SNAPC1: variants seen among roughly 807,000 people sequenced by gnomAD.
SNAPC1 encodes snRNA-activating protein complex subunit 1.
In SNAPC1, 42 loss-of-function variants were observed where a neutral mutation model predicts 50.1. The ratio of observed to expected loss-of-function variants is 0.84; its 90% CI spans 0.65 to 1.08. The LOEUF is 1.08. SNAPC1 is among the 50% of genes least tolerant of loss of function. The pLI is 0.00. For missense variants in SNAPC1, 477 were observed against 427.3 expected (o/e 1.12, Z -1.02); for synonymous variants, 164 against 144.2 (o/e 1.14, Z -0.98).
rs1239109527 is a variant in SNAPC1 at position 61,790,910 on chromosome 14, C to A, written c.977-1897C>A. On this transcript the variant is annotated intron_variant, in intron 8 of 9. Transcript: ENST00000216294. ...GTGGTCTATTACTGATCATTGCACC[C>A]CACACATTTAGCTTTGAGCATAGTA... 2.6e-5 allele frequency among the ~76,000 whole-genome samples: 4 copies of A among 152,154 alleles called. No homozygotes were observed. In the East Asian group the frequency reaches 7.7e-4, roughly 29 times the overall value.
chr14:61,783,201 AT>A (rs531848054), intron 8 of SNAPC1, among the ~76,000 whole-genome samples: 2 of 146,468 alleles, frequency 1.4e-5, no homozygotes, highest in Admixed American at 6.8e-5. Context: ...TTTTTTTTGT[AT>A]TTTTTTTTAG....
chr14:61,775,975 T>C (rs1040690157), intron 4 of SNAPC1, 120 bp from the exon 5 acceptor site: 3 of 649,164 alleles, frequency 4.6e-6, no homozygotes, highest in Non-Finnish European at 5.2e-6. Context: ...TAATATACTA[T>C]AGCATGTTAT....
At chr14:61,767,460 G>T in intron 3 of SNAPC1, 108 bp downstream of exon 3, 1 of 639,504 alleles carries the variant, frequency 1.6e-6, no homozygotes, top group Non-Finnish European at 2.3e-6. Context: ...TAGTGTTCAA[G>T]ACTTTTAGCT....
chr14:61,781,442 T>G (rs967278413), intron 7 of SNAPC1, among the ~76,000 whole-genome samples: 1 of 109,098 alleles, frequency 9.2e-6, no homozygotes, highest in African/African-American at 3.9e-5. Flanking sequence ...AAAGCAAGAC[T>G]CCATCTCCAA....
rs35300490 is a variant in SNAPC1, at chr14:61,774,648, A to ATTTTTTT, written c.535-1423_535-1417dup. Among the ~76,000 whole-genome samples, 19 of 90,958 alleles carry ATTTTTTT rather than the reference A, an allele frequency of 2.1e-4. 1 individual carries two copies. Among genetic ancestry groups the ATTTTTTT allele is most frequent in the African/African-American group, 5.8e-4 (14 of 24,248 alleles). The allele number at this position is 90,958 out of a possible 152,430, so 59.7% of individuals were successfully genotyped here. A position where few individuals can be genotyped will look rare whatever the true frequency, so the allele number is the denominator to read the frequency against. On this transcript the variant is annotated intron_variant, in intron 4 of 9. Coordinates refer to ENST00000216294, the MANE Select transcript of SNAPC1 (RefSeq NM_003082.4). ...ACTCACCACTATTGATCAGTTTCTC[A>ATTTTTTT]TTTTTTTTTTTTTTTTTTTTTTTTT... is the stretch of plus-strand genomic sequence containing the variant.
At chr14:61,767,962 T>C (rs1375869205) in intron 3 of SNAPC1, among the ~76,000 whole-genome samples, 3 of 152,196 alleles carry the variant, frequency 2.0e-5, no homozygotes, top group Non-Finnish European at 4.4e-5. Context: ...GTATTTTTAG[T>C]AGAGATGGGG....
chr14:61,766,906 G>T lies in SNAPC1; in HGVS notation c.159G>T (p.Met53Ile). 1 of 1,609,974 alleles carries T rather than the reference G, an allele frequency of 6.2e-7. No homozygotes were observed. Among genetic ancestry groups the T allele is most frequent in the Non-Finnish European group, 8.5e-7 (1 of 1,176,592 alleles). Residue 53 changes from methionine to isoleucine, a missense_variant, in exon 2 of 10, where the codon ATG becomes ATT. Transcript: ENST00000216294. ...CGRMRNLEKNMFTKEALALAW... is the reference protein window; with the variant it reads ...CGRMRNLEKNIFTKEALALAW... The stretch of plus-strand genomic sequence containing the variant: ...GAATGAGAAATTTAGAAAAGAACAT[G>T]TTTACAAAAGAAGCTTTAGCTTTGG...
chr14:61,773,134 C>G (rs1190544616), intron 4 of SNAPC1, among the ~76,000 whole-genome samples: 1 of 151,962 alleles, frequency 6.6e-6, no homozygotes, highest in Non-Finnish European at 1.5e-5. Context: ...GCCACTTGTT[C>G]TAGTTTTGTG....
chr14:61,777,060 A>C (rs910863351), intron 5 of SNAPC1, among the ~76,000 whole-genome samples: 6 of 152,238 alleles, frequency 3.9e-5, no homozygotes, highest in African/African-American at 1.2e-4. Flanking sequence ...CTGATTACTT[A>C]CTATGTGTCT....
At chr14:61,775,416 C>G (rs546256458) in intron 4 of SNAPC1, among the ~76,000 whole-genome samples, 1 of 151,930 alleles carries the variant, frequency 6.6e-6, no homozygotes, top group African/African-American at 2.4e-5. Context: ...CCCCCATACC[C>G]GGCTAATTTT....
chr14:61,792,053 A>T (rs73326984), intron 8 of SNAPC1, among the ~76,000 whole-genome samples: 1 of 151,420 alleles, frequency 6.6e-6, no homozygotes, highest in Admixed American at 6.6e-5. Flanking sequence ...CAATGAGCCA[A>T]GATCGCGCCA....
chr14:61,790,689 GATA>G (rs2045145943), intron 8 of SNAPC1, among the ~76,000 whole-genome samples: 1 of 152,098 alleles, frequency 6.6e-6, no homozygotes, highest in Non-Finnish European at 1.5e-5. Context: ...AGACCTTCTA[GATA>G]ATACATAGCA....
chr14:61,792,170 A>T (rs760835442), intron 8 of SNAPC1, among the ~76,000 whole-genome samples: 1 of 152,220 alleles, frequency 6.6e-6, no homozygotes, highest in South Asian at 2.1e-4. Context: ...AAAGAAAAAC[A>T]GCATAAAAAA....
chr14:61,793,162 C>CG (rs1393368012), intron 9 of SNAPC1, among the ~76,000 whole-genome samples: 2 of 152,240 alleles, frequency 1.3e-5, no homozygotes, highest in Admixed American at 1.3e-4. Context: ...TGTCAGACCT[C>CG]TGACCTGCTT....
chr14:61,776,309 G>A (rs1393269902), intron 5 of SNAPC1, 56 bp downstream of exon 5: 18 of 1,481,908 alleles, frequency 1.2e-5, no homozygotes, highest in South Asian at 9.4e-5. Flanking sequence ...ATGTTTATCC[G>A]TGGATGATAA....
chr14:61,782,224 T>C, intron 7 of SNAPC1, 23 bp from the exon 8 acceptor site: 1 of 1,517,140 alleles, frequency 6.6e-7, no homozygotes, highest in Non-Finnish European at 8.9e-7. Context: ...AATTTATTGG[T>C]TAATTGGATT....
chr14:61,763,611 CG>C (rs1163139581), intron 1 of SNAPC1, among the ~76,000 whole-genome samples: 1 of 151,384 alleles, frequency 6.6e-6, no homozygotes, highest in African/African-American at 2.4e-5. Context: ...ATGACATCCT[CG>C]GGGGAAGTCT....
At chr14:61,772,536 C>A (rs1474733293) in intron 4 of SNAPC1, among the ~76,000 whole-genome samples, 1 of 151,902 alleles carries the variant, frequency 6.6e-6, no homozygotes, top group Non-Finnish European at 1.5e-5. Flanking sequence ...AATCACTACG[C>A]CTGGCCCATG....
At chr14:61,787,521 G>C (rs867892477) in intron 8 of SNAPC1, among the ~76,000 whole-genome samples, 7 of 152,174 alleles carry the variant, frequency 4.6e-5, no homozygotes, top group Admixed American at 6.5e-5. Flanking sequence ...GTGCAGCCAC[G>C]TGGTGGAAGA....
Sources: allele counts gnomAD v4.1 joint callset (sites outside exome capture counted in the v4.1 genomes callset), GRCh38; gene constraint gnomAD v4.1.1; transcripts MANE v1.5; gene names NCBI Gene and HGNC (gene_info 2026-07-23, HGNC 2026-07-21).